Variants in SNAPC1 observed in about 807,000 individuals in gnomAD.
The protein encoded by SNAPC1 is snRNA-activating protein complex subunit 1.
Under a neutral mutation model 50.1 loss-of-function variants are expected in SNAPC1, and 42 were observed. The observed-to-expected ratio is 0.84, with a 90% CI of 0.65 to 1.08. SNAPC1 has a LOEUF of 1.08. Ranked by LOEUF, SNAPC1 falls within the 50% of genes least tolerant of loss-of-function variation. The pLI is 0.00. For synonymous variants in SNAPC1, 164 were observed against 144.2 expected (o/e 1.14, Z -0.98); for missense variants, 477 against 427.3 (o/e 1.12, Z -1.02).
chr14:61,794,162 T>G (rs1016897686), intron 9 of SNAPC1, among the ~76,000 whole-genome samples: 1 of 152,166 alleles, frequency 6.6e-6, no homozygotes, highest in African/African-American at 2.4e-5. Context: ...TTAATTGAAA[T>G]GAAATTGAAA....
At chr14:61,794,046 G>T (rs1451373136) in intron 9 of SNAPC1, among the ~76,000 whole-genome samples, 1 of 152,088 alleles carries the variant, frequency 6.6e-6, no homozygotes, top group African/African-American at 2.4e-5. Flanking sequence ...TAAACTTTAG[G>T]TTCGTGCTGT....
chr14:61,771,531 A>G (rs1566588456), intron 4 of SNAPC1, among the ~76,000 whole-genome samples: 2 of 152,232 alleles, frequency 1.3e-5, no homozygotes, highest in African/African-American at 2.4e-5. Flanking sequence ...GAGTTTATGT[A>G]GAAAACTAAA....
rs1385422410 is a variant in SNAPC1 at position 61,795,269 on chromosome 14, A to C, written c.*286A>C. 3.0e-6 allele frequency: 1 copy of C among 338,366 alleles called. No individual in the cohort carries two copies. Among genetic ancestry groups the C allele is most frequent in the Non-Finnish European group, 5.4e-6 (1 of 186,360 alleles). The allele number at this position is 338,366 out of a possible 1,614,324, so 21.0% of individuals were successfully genotyped here. A position where few individuals can be genotyped will look rare whatever the true frequency, so the allele number is the denominator to read the frequency against. Reference sequence around the variant, plus strand: ...TCGCAGATTGTTACTATTTCCTATAAGGTTTTGTGATACTATACTGTCCTA... The same window carrying C: ...TCGCAGATTGTTACTATTTCCTATACGGTTTTGTGATACTATACTGTCCTA... On this transcript the variant is annotated 3_prime_UTR_variant, in exon 10 of 10. Coordinates refer to ENST00000216294, the MANE Select transcript of SNAPC1 (RefSeq NM_003082.4).
chr14:61,769,473 T>C (rs1191877645), intron 4 of SNAPC1, among the ~76,000 whole-genome samples: 5 of 147,570 alleles, frequency 3.4e-5, no homozygotes, highest in African/African-American at 1.2e-4. Flanking sequence ...TCTCAGCTCA[T>C]TGTAACCTCC....
chr14:61,767,553 TC>T (rs1428826795), intron 3 of SNAPC1, among the ~76,000 whole-genome samples: 3 of 151,434 alleles, frequency 2.0e-5, no homozygotes, highest in Non-Finnish European at 2.9e-5. Context: ...AACCTCCGCC[TC>T]CCGGGTTCGA....
intron 1 of SNAPC1, among the ~76,000 whole-genome samples, chr14:61,764,882 C>A (rs1241966765): frequency 6.6e-6 from 1 of 152,166 alleles, no homozygotes; most frequent in African/African-American, 2.4e-5. Flanking sequence ...CCTACTACCC[C>A]CTTCCCTTCC....
chr14:61,773,184 G>A lies in SNAPC1; in HGVS notation c.535-2911G>A, dbSNP rs1017949627. Among the ~76,000 whole-genome samples, 4 of 151,928 alleles carry A rather than the reference G, an allele frequency of 2.6e-5. No homozygotes were observed. In the South Asian group the frequency reaches 8.3e-4, roughly 32 times the overall value. On this transcript the variant is annotated intron_variant, in intron 4 of 9. Coordinates refer to ENST00000216294, the MANE Select transcript of SNAPC1 (RefSeq NM_003082.4). ...TAAAATGAAAAGAGAACAGGATACT[G>A]AATCAAAACATTTGACTTCTAATTC...
intron 8 of SNAPC1, among the ~76,000 whole-genome samples, chr14:61,791,842 G>C (rs1015783276): frequency 6.6e-6 from 1 of 151,168 alleles, no homozygotes; most frequent in African/African-American, 2.4e-5. Flanking sequence ...GAGAGACTCT[G>C]TCTCAAAAAA....
chr14:61,775,645 G>T (rs556380330), intron 4 of SNAPC1, among the ~76,000 whole-genome samples: 1 of 152,310 alleles, frequency 6.6e-6, no homozygotes, highest in African/African-American at 2.4e-5. Flanking sequence ...TTCTGTGGCA[G>T]GTTGGATGAG....
chr14:61,782,321 A>G lies in SNAPC1; in HGVS notation c.900A>G (p.Gln300=), dbSNP rs1290719178. 13 of 1,613,578 alleles carry G rather than the reference A, an allele frequency of 8.1e-6. No homozygotes were observed. The highest frequency in any genetic ancestry group is 1.0e-5 in the Non-Finnish European group (12 of 1,179,668). ...CTGATTCTGCATCTGGTCAAGGGCA[A>G]GTCAAAGCAACTAGGAAAAAAGAGA... ...SDSDSASGQG[Q]VKATRKKEKK... is the part of the protein sequence containing the mutation. The change falls in exon 8 of 10, where the codon CAA becomes CAG. Residue 300 remains glutamine, a synonymous_variant. Coordinates refer to ENST00000216294, the MANE Select transcript of SNAPC1 (RefSeq NM_003082.4).
In SNAPC1 at chr14:61,795,101, G is replaced by A. The variant is rs987930980; in HGVS notation, c.*118G>A. On this transcript the variant is annotated 3_prime_UTR_variant, in exon 10 of 10. Coordinates refer to ENST00000216294, the MANE Select transcript of SNAPC1 (RefSeq NM_003082.4). The stretch of plus-strand genomic sequence containing the variant: ...AAAAAATCCTTCTGGGAATCTGTAG[G>A]TTATTTCTTGGAAATTGCAATACGT... 4 of 636,090 alleles carry A rather than the reference G, an allele frequency of 6.3e-6. No homozygotes were observed. In the African/African-American group the frequency reaches 7.6e-5, roughly 12 times the overall value. The allele number at this position is 636,090 out of a possible 1,614,324, so 39.4% of individuals were successfully genotyped here. A position where few individuals can be genotyped will look rare whatever the true frequency, so the allele number is the denominator to read the frequency against.
Position 61,782,306 on chromosome 14 carries a change from A to C in SNAPC1, c.885A>C (p.Ala295=), listed in dbSNP as rs1226253721. Residue 295 remains alanine (A), a synonymous_variant, in exon 8 of 10, where the codon GCA becomes GCC. Transcript: ENST00000216294. ...TCGACTCTTCTGACTCTGATTCTGC[A>C]TCTGGTCAAGGGCAAGTCAAAGCAA... ...VKLDSSDSDS[A]SGQGQVKATR... is the part of the protein sequence containing the mutation. 3.1e-6 allele frequency: 5 copies of C among 1,612,992 alleles called. No homozygotes were observed. The Admixed American group carries it at 8.4e-5, about 27-fold the overall frequency.
intron 7 of SNAPC1, among the ~76,000 whole-genome samples, chr14:61,780,794 T>G (rs2045065991): frequency 6.6e-6 from 1 of 152,174 alleles, no homozygotes; most frequent in Non-Finnish European, 1.5e-5. Context: ...TCTATGTGTC[T>G]GTTTTTGTAC....
intron 7 of SNAPC1, among the ~76,000 whole-genome samples, chr14:61,781,839 A>G (rs945653137): frequency 6.6e-6 from 1 of 152,204 alleles, no homozygotes; most frequent in Non-Finnish European, 1.5e-5. Context: ...GGCCATGGGG[A>G]TGTTAAACTC....
At chr14:61,762,681 TGAG>T in intron 1 of SNAPC1, 93 bp downstream of exon 1, 2 of 1,459,648 alleles carry the variant, frequency 1.4e-6, no homozygotes, top group Non-Finnish European at 9.5e-7. Flanking sequence ...TGTGAAGGGC[TGAG>T]AAGAGCGGCA....
intron 8 of SNAPC1, among the ~76,000 whole-genome samples, chr14:61,788,138 T>C (rs2045127883): frequency 6.6e-6 from 1 of 152,180 alleles, no homozygotes; most frequent in African/African-American, 2.4e-5. Context: ...ATAGTACATC[T>C]GAGATTTGTT....
chr14:61,774,150 T>C (rs1359097417), intron 4 of SNAPC1, among the ~76,000 whole-genome samples: 4 of 150,792 alleles, frequency 2.7e-5, no homozygotes, highest in Non-Finnish European at 4.4e-5. Flanking sequence ...TTATTTCTTA[T>C]TTAATTTTCT....
chr14:61,766,736 T>C (rs1439875645), intron 1 of SNAPC1, 140 bp from the exon 2 acceptor site: 1 of 488,746 alleles, frequency 2.0e-6, no homozygotes, highest in Non-Finnish European at 3.6e-6. Flanking sequence ...AAATTATCTC[T>C]TTGTGCTTGA....
intron 8 of SNAPC1, among the ~76,000 whole-genome samples, chr14:61,784,184 AAGG>A (rs1231354056): frequency 6.6e-6 from 1 of 152,204 alleles, no homozygotes; most frequent in African/African-American, 2.4e-5. Flanking sequence ...AATAGTTCAA[AAGG>A]AGATTTTTCT....
Sources: allele counts gnomAD v4.1 joint callset (sites outside exome capture counted in the v4.1 genomes callset), GRCh38; gene constraint gnomAD v4.1.1; transcripts MANE v1.5; gene names NCBI Gene and HGNC (gene_info 2026-07-23, HGNC 2026-07-21).